The following RBFOX1 variants were observed in gnomAD, a reference collection of about 807,000 sequenced individuals.
RBFOX1 encodes RNA binding protein fox-1 homolog 1.
RBFOX1 carries 8 observed loss-of-function variants against 57.7 expected under a neutral mutation model. The observed-to-expected ratio is 0.14, with a 90% confidence interval of 0.08 to 0.25. The LOEUF (loss-of-function observed/expected upper bound fraction) is 0.25. RBFOX1 is among the 10% of genes least tolerant of loss of function. The probability of loss-of-function intolerance (pLI) is 1.00; values close to 1 mark genes in which losing one functional copy is unlikely to be tolerated. For missense variants in RBFOX1, 611 were observed against 548.5 expected, an observed-to-expected ratio of 1.11 and a Z score of -1.14; for synonymous variants, 326 against 222.4, an observed-to-expected ratio of 1.47 and a Z score of -4.15.
At chr16:7,691,082 C>CT (rs2077210575) in intron 14 of RBFOX1, among the ~76,000 whole-genome samples, 1 of 151,952 alleles carries the variant, frequency 6.6e-6, no homozygotes, top group African/African-American at 2.4e-5. Flanking sequence ...TTATGGTGAC[C>CT]TTTCTGGGAT....
intron 3 of RBFOX1, among the ~76,000 whole-genome samples, chr16:5,667,246 AC>A (rs2049877755): frequency 6.6e-6 from 1 of 151,516 alleles, no homozygotes; most frequent in Non-Finnish European, 1.5e-5. Context: ...CACTCTCTCC[AC>A]CCCCAAGATT....
At chr16:5,553,271 TAAAGTA>T (rs1240101015) in intron 2 of RBFOX1, among the ~76,000 whole-genome samples, 1 of 151,748 alleles carries the variant, frequency 6.6e-6, no homozygotes, top group Non-Finnish European at 1.5e-5. Flanking sequence ...CCCTAGAACT[TAAAGTA>T]TAAGAATAAA....
intron 4 of RBFOX1, among the ~76,000 whole-genome samples, chr16:7,176,236 T>TTTTTTTTTTTTTTTTGAG (rs1555534123): frequency 6.6e-6 from 1 of 150,718 alleles, no homozygotes; most frequent in African/African-American, 2.5e-5. Context: ...TCTTGGTTCT[T>TTTTTTTTTTTTTTTTGAG]AAAATCATGG....
intron 2 of RBFOX1, among the ~76,000 whole-genome samples, chr16:5,562,535 A>C (rs187366466): frequency 2.0e-5 from 3 of 152,124 alleles, no homozygotes; most frequent in Non-Finnish European, 4.4e-5. Context: ...GGAAGACCCC[A>C]GGGGTTGGTC....
intron 4 of RBFOX1, among the ~76,000 whole-genome samples, chr16:7,496,271 T>A (rs988509311): frequency 6.6e-6 from 1 of 152,210 alleles, no homozygotes; most frequent in Non-Finnish European, 1.5e-5. Context: ...GCCTCCCAAG[T>A]AGCTGGAATT....
At chr16:7,495,896 C>A (rs960678404) in intron 4 of RBFOX1, among the ~76,000 whole-genome samples, 3 of 67,606 alleles carry the variant, frequency 4.4e-5, no homozygotes, top group Non-Finnish European at 9.5e-5. Context: ...TTCAAAGATA[C>A]TAGACTATTT....
At chr16:6,560,396 C>T (rs377446061) in intron 2 of RBFOX1, among the ~76,000 whole-genome samples, 1 of 151,522 alleles carries the variant, frequency 6.6e-6, no homozygotes, top group African/African-American at 2.4e-5. Flanking sequence ...CAGTGTGGGC[C>T]TTACTGTGAA....
At chr16:6,494,702 G>C (rs1228106622) in intron 2 of RBFOX1, among the ~76,000 whole-genome samples, 1 of 152,218 alleles carries the variant, frequency 6.6e-6, no homozygotes, top group Non-Finnish European at 1.5e-5. Context: ...CCAGGAATGG[G>C]CCTTGGAGAT....
intron 4 of RBFOX1, among the ~76,000 whole-genome samples, chr16:7,281,969 A>C (rs899652125): frequency 2.6e-5 from 4 of 152,090 alleles, no homozygotes; most frequent in African/African-American, 9.7e-5. Context: ...GGGCTCCAGC[A>C]ATCCTCCCAC....
chr16:5,529,389 CTT>C (rs56820577), intron 2 of RBFOX1, among the ~76,000 whole-genome samples: 28 of 130,902 alleles, frequency 2.1e-4, no homozygotes, highest in Middle Eastern at 4.3e-3. Flanking sequence ...TGGCCAGTGT[CTT>C]TTTTTTTTTT....
chr16:6,498,181 G>A (rs1193451436), intron 2 of RBFOX1, among the ~76,000 whole-genome samples: 4 of 151,638 alleles, frequency 2.6e-5, no homozygotes, highest in African/African-American at 9.7e-5. Context: ...CTACCTGGGA[G>A]GTGGAGGTTG....
intron 3 of RBFOX1, among the ~76,000 whole-genome samples, chr16:5,690,066 T>C (rs2050626552): frequency 6.6e-6 from 1 of 152,126 alleles, no homozygotes; most frequent in Admixed American, 6.5e-5. Context: ...AGCTGGACAG[T>C]GGTCAGGGAG....
At chr16:6,234,564 G>T (rs1228620629) in intron 1 of RBFOX1, among the ~76,000 whole-genome samples, 1 of 152,144 alleles carries the variant, frequency 6.6e-6, no homozygotes, top group African/African-American at 2.4e-5. Context: ...AGAGAAATGG[G>T]GTGGATGTGT....
chr16:5,340,015 C>T (rs2064999847), intron 1 of RBFOX1, among the ~76,000 whole-genome samples: 1 of 152,160 alleles, frequency 6.6e-6, no homozygotes, highest in South Asian at 2.1e-4. Flanking sequence ...GTGGTTCGTT[C>T]TCCCAGTGAG....
intron 1 of RBFOX1, among the ~76,000 whole-genome samples, chr16:6,214,817 G>C (rs1370426602): frequency 1.0e-5 from 1 of 95,484 alleles, no homozygotes; most frequent in Admixed American, 9.7e-5. Flanking sequence ...CAGGGAGAGG[G>C]GGAGAGGGGG....
At chr16:6,219,549 A>G (rs1174688595) in intron 1 of RBFOX1, among the ~76,000 whole-genome samples, 1 of 152,108 alleles carries the variant, frequency 6.6e-6, no homozygotes, top group Non-Finnish European at 1.5e-5. Flanking sequence ...GAACTCGGGC[A>G]ATTCACTTAA....
intron 4 of RBFOX1, among the ~76,000 whole-genome samples, chr16:5,992,550 T>C (rs2060419008): frequency 6.6e-6 from 1 of 152,032 alleles, no homozygotes; most frequent in African/African-American, 2.4e-5. Flanking sequence ...GTGTGTGTGC[T>C]TGTGTGTGTG....
At chr16:7,609,363 C>A (rs1479592750) in intron 10 of RBFOX1, among the ~76,000 whole-genome samples, 1 of 152,114 alleles carries the variant, frequency 6.6e-6, no homozygotes, top group Admixed American at 6.5e-5. Flanking sequence ...TACCTAATAT[C>A]CCCGTTACTT....
chr16:7,474,385 C>T (rs374353900), intron 4 of RBFOX1, among the ~76,000 whole-genome samples: 1 of 152,250 alleles, frequency 6.6e-6, no homozygotes, highest in East Asian at 1.9e-4. Context: ...TTGTGTTCCC[C>T]AGTGCACTTC....
Sources: allele counts gnomAD v4.1 joint callset (sites outside exome capture counted in the v4.1 genomes callset), GRCh38; gene constraint gnomAD v4.1.1; transcripts MANE v1.5; gene names NCBI Gene and HGNC (gene_info 2026-07-23, HGNC 2026-07-21).